JAK3: variants seen among roughly 807,000 people sequenced by gnomAD.
The protein encoded by JAK3 is Janus kinase 3.
JAK3 carries 88 observed loss-of-function variants against 120.8 expected under a neutral mutation model. That is an observed-to-expected ratio of 0.73 (90% confidence interval 0.61 to 0.87). JAK3 has a LOEUF of 0.87. JAK3 is among the 40% of genes least tolerant of loss of function. JAK3 has a pLI of 0.00. For missense variants in JAK3, 1,254 were observed against 1,501.4 expected, an observed-to-expected ratio of 0.84 and a Z score of 2.72; for synonymous variants, 592 against 628.6, an observed-to-expected ratio of 0.94 and a Z score of 0.87.
chr19:17,842,695 A>G lies in JAK3; in HGVS notation c.567-85T>C. ...CACACACAAACCCAGGCTTTAGCCC[A>G]GGGGCTGGGGTGCGGCCCTAGTTGG... On this transcript the variant is annotated intron_variant, in intron 5 of 23. Transcript: ENST00000458235. The surrounding 1 kb of genome is among the most constrained non-coding windows in gnomAD (Gnocchi z 6.4). 3 of 1,386,484 alleles carry G rather than the reference A, an allele frequency of 2.2e-6. No individual in the cohort carries two copies. Among genetic ancestry groups the G allele is most frequent in the Admixed American group, 2.5e-5 (1 of 39,274 alleles). 85.9% of individuals were successfully genotyped at this position (1,386,484 alleles called of 1,614,324 possible). A position where few individuals can be genotyped will look rare whatever the true frequency, so the allele number is the denominator to read the frequency against.
intron 1 of JAK3, among the ~76,000 whole-genome samples, chr19:17,846,298 G>A (rs149363121): frequency 7.9e-5 from 12 of 152,214 alleles, no homozygotes; most frequent in Admixed American, 2.6e-4. Flanking sequence ...GCCGGTAAGC[G>A]ATCAACAAAC....
intron 1 of JAK3, 58 bp from the exon 2 acceptor site, chr19:17,844,488 G>A (rs2094247687): frequency 2.7e-6 from 4 of 1,466,750 alleles, no homozygotes; most frequent in East Asian, 2.4e-5. Flanking sequence ...GGACTTCTGA[G>A]CAGGGAGGGC....
chr19:17,843,009 C>A lies in JAK3; in HGVS notation c.566+18G>T. Reference sequence around the variant, plus strand: ...CACTCCCAAGCAGAGGCCGTCCCCACAGCCTGGTGGCTCTCACCTGACAGT... The same window carrying A: ...CACTCCCAAGCAGAGGCCGTCCCCAAAGCCTGGTGGCTCTCACCTGACAGT... On this transcript the variant is annotated intron_variant, in intron 5 of 23. Coordinates refer to ENST00000458235, the MANE Select transcript of JAK3 (RefSeq NM_000215.4). The surrounding 1 kb of genome is among the most constrained non-coding windows in gnomAD (Gnocchi z 5.4). 6.2e-7 allele frequency: 1 copy of A among 1,609,080 alleles called. No individual in the cohort carries two copies. Among genetic ancestry groups the A allele is most frequent in the East Asian group, 2.2e-5 (1 of 44,880 alleles).
In JAK3 at chr19:17,840,296, A is replaced by G; in HGVS notation, c.1188T>C (p.Pro396=). 1 of 1,614,090 alleles carries G rather than the reference A, an allele frequency of 6.2e-7. No individual in the cohort carries two copies. Among genetic ancestry groups the G allele is most frequent in the Non-Finnish European group, 8.5e-7 (1 of 1,180,030 alleles). Residue 396 remains proline, a synonymous_variant, in exon 9 of 24, where the codon CCT becomes CCC. Coordinates refer to ENST00000458235, the MANE Select transcript of JAK3 (RefSeq NM_000215.4). ...GGCTGCGGCGGAGAACATAGGAGCC[A>G]GGACGTGAGCCCCCAGTCTTGAGCT... The part of the protein sequence containing the change: ...INKLKTGGSR[P]GSYVLRRSPQ...
intron 21 of JAK3, 32 bp from the exon 22 acceptor site, chr19:17,830,652 G>C: frequency 6.4e-7 from 1 of 1,564,668 alleles, no homozygotes; most frequent in Middle Eastern, 1.7e-4. Context: ...GAGATGCGAG[G>C]GTGTAGAAAG....
chr19:17,840,965 A>G (rs2147693948), intron 8 of JAK3, among the ~76,000 whole-genome samples: 1 of 151,186 alleles, frequency 6.6e-6, no homozygotes, highest in Middle Eastern at 3.4e-3. Flanking sequence ...CTACAGGTCA[A>G]CCACCACACC....
In JAK3 at chr19:17,831,242, C is replaced by T. The variant is rs758185013; in HGVS notation, c.2964G>A (p.Gln988=). The change falls in exon 21 of 24, where the codon CAG becomes CAA. Residue 988 remains glutamine (Q), a synonymous_variant. Coordinates refer to ENST00000458235, the MANE Select transcript of JAK3 (RefSeq NM_000215.4). The surrounding 1 kb of genome is among the most constrained non-coding windows in gnomAD (Gnocchi z 5.1). The stretch of plus-strand genomic sequence containing the variant: ...GGGTTCCCCACCAGAAAATGGGGCT[C>T]TGGCCTGGCTCGCGGACCACGTAGT... ...KDYYVVREPG[Q]SPIFWYAPES... 1.6e-5 allele frequency: 25 copies of T among 1,612,684 alleles called. No homozygotes were observed. Among genetic ancestry groups the T allele is most frequent in the Non-Finnish European group, 1.9e-5 (23 of 1,179,752 alleles).
chr19:17,838,009 C>T lies in JAK3; in HGVS notation c.1624G>A (p.Glu542Lys). 1 of 1,614,156 alleles carries T rather than the reference C, an allele frequency of 6.2e-7. No homozygotes were observed. Among genetic ancestry groups the T allele is most frequent in the African/African-American group, 1.3e-5 (1 of 75,028 alleles). Residue 542 changes from glutamate (E) to lysine (K), a missense_variant, in exon 12 of 24, where the codon GAG (glutamate) becomes AAG (lysine). Transcript: ENST00000458235. ...FTKIYRGCRH[E>K]VVDGEARKTE... is the part of the protein sequence containing the mutation. Reference sequence around the variant, plus strand: ...TTTCGGGCCTCCCCATCCACCACCTCATGGCGACAGCCCCGGTAAATCTTG... The same window carrying T: ...TTTCGGGCCTCCCCATCCACCACCTTATGGCGACAGCCCCGGTAAATCTTG...
chr19:17,838,091 G>A (rs372848278), intron 11 of JAK3, 28 bp from the exon 12 acceptor site: 1 of 1,614,030 alleles, frequency 6.2e-7, no homozygotes, highest in Non-Finnish European at 8.5e-7. Context: ...AGCAGAAGAG[G>A]CCAGTGAGGG....
Position 17,830,155 on chromosome 19 carries a change from G to T in JAK3, c.3160C>A (p.Leu1054Met), listed in dbSNP as rs202149893. 8.1e-6 allele frequency: 13 copies of T among 1,596,158 alleles called. No homozygotes were observed. Among genetic ancestry groups the T allele is most frequent in the Non-Finnish European group, 1.0e-5 (12 of 1,172,580 alleles). ...GCCGGCAGCCTCTGGCCCTCCTCCA[G>T]CAGTTCCAAGAGGCGGCAGAGGGCG... is the stretch of plus-strand genomic sequence containing the variant. ...VPALCRLLEL[L>M]EEGQRLPAPP... is the part of the protein sequence containing the mutation. The change falls in exon 23 of 24, where the codon CTG (leucine) becomes ATG (methionine). Residue 1054 changes from leucine to methionine, a missense_variant. Coordinates refer to ENST00000458235, the MANE Select transcript of JAK3 (RefSeq NM_000215.4).
Position 17,839,589 on chromosome 19 carries a change from G to C in JAK3, c.1329C>G (p.Leu443=). Reference sequence around the variant, plus strand: ...CTCGAAGACTGCTGTGGGGTCGGCTGAGGCCAACCAGAAGGAAGGTTCCTG... The same window carrying C: ...CTCGAAGACTGCTGTGGGGTCGGCTCAGGCCAACCAGAAGGAAGGTTCCTG... ...SPTGTFLLVG[L]SRPHSSLREL... The change falls in exon 10 of 24, where the codon CTC becomes CTG. Residue 443 remains leucine (L), a synonymous_variant. Coordinates refer to ENST00000458235, the MANE Select transcript of JAK3 (RefSeq NM_000215.4). 5 of 1,612,076 alleles carry C rather than the reference G, an allele frequency of 3.1e-6. No homozygotes were observed. Among genetic ancestry groups the C allele is most frequent in the Non-Finnish European group, 4.2e-6 (5 of 1,179,358 alleles).
intron 1 of JAK3, among the ~76,000 whole-genome samples, chr19:17,845,259 CCAA>C (rs1285109738): frequency 6.6e-5 from 10 of 152,062 alleles, no homozygotes; most frequent in Non-Finnish European, 1.2e-4. Context: ...CCTCCGCCTC[CCAA>C]GTTCAAGAGA....
intron 12 of JAK3, 49 bp from the exon 13 acceptor site, chr19:17,837,262 A>C: frequency 6.9e-7 from 1 of 1,449,232 alleles, no homozygotes; most frequent in South Asian, 1.2e-5. Context: ...CTTCCACTCC[A>C]ATAATCCCAA....
chr19:17,842,891 G>T lies in JAK3; in HGVS notation c.566+136C>A. 3 of 1,243,314 alleles carry T rather than the reference G, an allele frequency of 2.4e-6. No individual in the cohort carries two copies. The highest frequency in any genetic ancestry group is 1.3e-5 in the South Asian group (1 of 79,600). The allele number at this position is 1,243,314 out of a possible 1,614,324, so 77.0% of individuals were successfully genotyped here. On this transcript the variant is annotated intron_variant, in intron 5 of 23. Transcript: ENST00000458235. The surrounding 1 kb of genome is among the most constrained non-coding windows in gnomAD (Gnocchi z 6.4). Reference sequence around the variant, plus strand: ...CCTGGGGGTGGAGAGGGCTGGGTTCGTGGGAGGCCCTGGGTCATAGGAACA... The same window carrying T: ...CCTGGGGGTGGAGAGGGCTGGGTTCTTGGGAGGCCCTGGGTCATAGGAACA...
At position 17,838,035 on chromosome 19, in the gene JAK3, G is replaced by A; in HGVS notation, c.1598C>T (p.Thr533Ile). 1 of 1,614,104 alleles carries A rather than the reference G, an allele frequency of 6.2e-7. No homozygotes were observed. The highest frequency in any genetic ancestry group is 1.1e-5 in the South Asian group (1 of 91,080). ...ATGGCGACAGCCCCGGTAAATCTTG[G>A]TGAAGGACCCATGGCCCAGGTTCTC... The part of the protein sequence containing the change: ...WHENLGHGSF[T>I]KIYRGCRHEV... Residue 533 changes from threonine to isoleucine, a missense_variant, in exon 12 of 24, where the codon ACC (threonine) becomes ATC (isoleucine). Thr to Ile is a moderately conservative substitution (Grantham distance 89). Transcript: ENST00000458235.
At position 17,842,565 on chromosome 19, in the gene JAK3, GC is replaced by G; in HGVS notation, c.611del (p.Gly204AlafsTer2). The G allele has an allele frequency of 6.3e-7, 1 of 1,587,526 alleles. No homozygotes were observed. The highest frequency in any genetic ancestry group is 1.8e-5 in the Admixed American group (1 of 56,050). On this transcript the variant is annotated frameshift_variant, in exon 6 of 24. Transcript: ENST00000458235. LOFTEE classifies it high-confidence loss of function. The surrounding 1 kb of genome is among the most constrained non-coding windows in gnomAD (Gnocchi z 6.4). ...TACGCCTCCGCGTCACGAAGCTCAGGCCCTGGATCAGGTCGCGCAGGCTTGG... is the reference window on the plus strand; with the variant it reads ...TACGCCTCCGCGTCACGAAGCTCAGGCCTGGATCAGGTCGCGCAGGCTTGG... ...LPPSLRDLIQGLSFVTRRRIR... is the reference protein window; with the variant it reads ...LPPSLRDLIQXLSFVTRRRIR...
chr19:17,841,644 A>T lies in JAK3; in HGVS notation c.980T>A (p.Ile327Asn). 3 of 1,613,830 alleles carry T rather than the reference A, an allele frequency of 1.9e-6. No homozygotes were observed. The highest frequency in any genetic ancestry group is 2.5e-6 in the Non-Finnish European group (3 of 1,179,894). Residue 327 changes from isoleucine (I) to asparagine (N), a missense_variant, in exon 7 of 24, where the codon ATT (isoleucine) becomes AAT (asparagine). By Grantham distance (149) the Ile-to-Asn change is moderately radical (BLOSUM62 -3). Coordinates refer to ENST00000458235, the MANE Select transcript of JAK3 (RefSeq NM_000215.4). This position sits in a 1 kb window ranked among gnomAD's most constrained non-coding sequence, Gnocchi z 4.1. ...GGAGGGGAATCCTGCACCCACTAAA[A>T]TCTGGTTGTCTGTCCTGGTAACAGT... ...LVTVTRTDNQ[I>N]LEAEFPGLPE...
intron 23 of JAK3, among the ~76,000 whole-genome samples, chr19:17,828,914 G>A (rs1431177101): frequency 6.6e-6 from 1 of 152,118 alleles, no homozygotes; most frequent in East Asian, 1.9e-4. Context: ...CAGCACTTTG[G>A]GAGGCCGAGG....
In JAK3 at chr19:17,825,806, C is replaced by CT. The variant is rs1340724675; in HGVS notation, c.*936_*937insA. On this transcript the variant is annotated 3_prime_UTR_variant, in exon 24 of 24. Transcript: ENST00000458235. ...GTCCCAGCTACTTGGGAGGCTGAGG[C>CT]GAGAGAATGGTGTGAACCCAGGAGG... 1 of 147,450 alleles carries CT rather than the reference C, an allele frequency of 6.8e-6. No homozygotes were observed. Among genetic ancestry groups the CT allele is most frequent in the African/African-American group, 2.6e-5 (1 of 38,992 alleles). The allele number at this position is 147,450 out of a possible 1,614,324, so 9.1% of individuals were successfully genotyped here.
Sources: allele counts gnomAD v4.1 joint callset (sites outside exome capture counted in the v4.1 genomes callset), GRCh38; gene constraint gnomAD v4.1.1; non-coding constraint Gnocchi (gnomAD v3.1); transcripts MANE v1.5; gene names NCBI Gene and HGNC (gene_info 2026-07-23, HGNC 2026-07-21).